Variants in MIB1 observed in about 807,000 individuals in gnomAD.
MIB1 encodes MIB E3 ubiquitin protein ligase 1, also known as E3 ubiquitin-protein ligase MIB1.
MIB1 carries 278 observed loss-of-function variants against 124.5 expected under a neutral mutation model. The ratio of observed to expected loss-of-function variants is 2.23; its 90% CI spans 2.02 to 2.47. The LOEUF is 2.47. Among genes scored for constraint, MIB1 ranks in the 30% most tolerant of loss-of-function variants. The pLI is 0.00. For missense variants in MIB1, 957 were observed against 1,254.4 expected, an observed-to-expected ratio of 0.76 and a Z score of 3.58; for synonymous variants, 446 against 429.4, an observed-to-expected ratio of 1.04 and a Z score of -0.48.
intron 6 of MIB1, among the ~76,000 whole-genome samples, chr18:21,791,130 C>T (rs1019826744): frequency 2.7e-5 from 4 of 150,396 alleles, no homozygotes; most frequent in Non-Finnish European, 5.9e-5. Context: ...TGCAGTGAGC[C>T]GAGATCATGC....
chr18:21,719,685 C>T (rs954942799), intron 1 of MIB1, among the ~76,000 whole-genome samples: 11 of 151,330 alleles, frequency 7.3e-5, no homozygotes, highest in African/African-American at 2.4e-4. Context: ...TCTGGAACTC[C>T]TGACCTCATG....
chr18:21,859,392 C>CA (rs55876332), intron 20 of MIB1, among the ~76,000 whole-genome samples: 68,266 of 121,828 alleles, frequency 0.56, 19,405 homozygotes, highest in Non-Finnish European at 0.67. Context: ...GACCCCATCT[C>CA]AAAAAAAAAA....
intron 1 of MIB1, among the ~76,000 whole-genome samples, chr18:21,745,478 C>T (rs1180009390): frequency 3.3e-5 from 5 of 152,010 alleles, no homozygotes; most frequent in East Asian, 1.9e-4. Flanking sequence ...AATTGAGACT[C>T]ATTGGTTTAG....
chr18:21,763,591 T>G (rs1004654501), intron 1 of MIB1, among the ~76,000 whole-genome samples: 3 of 152,188 alleles, frequency 2.0e-5, no homozygotes, highest in Non-Finnish European at 4.4e-5. Context: ...TGTTGGTGAC[T>G]CCCTTCTTGT....
Position 21,853,139 on chromosome 18 carries a change from G to T in MIB1, c.2587-1G>T. ...CTGTGCTGTAACCTCTTTTTCTATA[G>T]ATTGAAGAATGTGTGGTATGCTCTG... On this transcript the variant is annotated splice_acceptor_variant, in intron 17 of 20. Coordinates refer to ENST00000261537, the MANE Select transcript of MIB1 (RefSeq NM_020774.4). LOFTEE classifies it high-confidence loss of function. 6.2e-7 allele frequency: 1 copy of T among 1,608,636 alleles called. No individual in the cohort carries two copies. Among genetic ancestry groups the T allele is most frequent in the Non-Finnish European group, 8.5e-7 (1 of 1,175,364 alleles).
intron 1 of MIB1, among the ~76,000 whole-genome samples, chr18:21,744,441 TTAACAC>T (rs1308361456): frequency 6.6e-6 from 1 of 152,154 alleles, no homozygotes; most frequent in Non-Finnish European, 1.5e-5. Context: ...AACCAGAAAA[TTAACAC>T]TAATACGGTA....
intron 12 of MIB1, among the ~76,000 whole-genome samples, chr18:21,823,839 A>C (rs1470630750): frequency 6.6e-6 from 1 of 152,210 alleles, no homozygotes; most frequent in African/African-American, 2.4e-5. Flanking sequence ...GTTTTCATCT[A>C]GAGTTTAGCC....
chr18:21,794,774 G>T (rs1381266505), intron 7 of MIB1, among the ~76,000 whole-genome samples: 1 of 152,116 alleles, frequency 6.6e-6, no homozygotes, highest in African/African-American at 2.4e-5. Flanking sequence ...TCATCTCAGT[G>T]TTTTATGCCA....
chr18:21,753,555 T>C (rs2040999026), intron 1 of MIB1, among the ~76,000 whole-genome samples: 2 of 152,160 alleles, frequency 1.3e-5, no homozygotes, highest in Non-Finnish European at 2.9e-5. Flanking sequence ...TTCAGTTTAA[T>C]AGTAAGTCAA....
chr18:21,742,564 G>C (rs1430798966), intron 1 of MIB1, among the ~76,000 whole-genome samples: 1 of 151,866 alleles, frequency 6.6e-6, no homozygotes, highest in East Asian at 2.0e-4. Context: ...CAGTGAGTCA[G>C]GGTCCTTGAT....
At chr18:21,745,065 T>C (rs1476610523) in intron 1 of MIB1, among the ~76,000 whole-genome samples, 1 of 152,034 alleles carries the variant, frequency 6.6e-6, no homozygotes, top group Non-Finnish European at 1.5e-5. Flanking sequence ...TTGAGATAAA[T>C]AAAATTTAAA....
At chr18:21,857,053 A>T (rs967358801) in intron 18 of MIB1, 77 bp from the exon 19 acceptor site, 1 of 940,736 alleles carries the variant, frequency 1.1e-6, no homozygotes, top group African/African-American at 1.6e-5. Flanking sequence ...AATTTAAGTC[A>T]TAAAAATTAG....
upstream of MIB1, among the ~76,000 whole-genome samples, chr18:21,739,468 C>A (rs187978913): frequency 4.6e-5 from 7 of 152,254 alleles, no homozygotes; most frequent in East Asian, 5.8e-4. Flanking sequence ...CATCCTGATA[C>A]CAAAACCTGG....
rs111748928 is a variant in MIB1, at chr18:21,791,518, A to G, written c.1053A>G (p.Leu351=). The change falls in exon 7 of 21, where the codon CTA becomes CTG. Residue 351 remains leucine (L), a synonymous_variant. Coordinates refer to ENST00000261537, the MANE Select transcript of MIB1 (RefSeq NM_020774.4). ...ATGACCTGGAACGAATTAAACTTCTACAAAGAGGACATGGAGAATGGGCTG... is the reference window on the plus strand; with the variant it reads ...ATGACCTGGAACGAATTAAACTTCTGCAAAGAGGACATGGAGAATGGGCTG... The part of the protein sequence containing the change: ...VCYDLERIKL[L]QRGHGEWAEA... The G allele has an allele frequency of 6.2e-7, 1 of 1,614,046 alleles. No individual in the cohort carries two copies. Among genetic ancestry groups the G allele is most frequent in the Non-Finnish European group, 8.5e-7 (1 of 1,179,926 alleles).
chr18:21,814,407 C>T (rs1299965581), intron 10 of MIB1, among the ~76,000 whole-genome samples: 5 of 150,076 alleles, frequency 3.3e-5, no homozygotes, highest in Non-Finnish European at 1.5e-5. Context: ...CACAACTCAT[C>T]TTAGTTTACT....
intron 1 of MIB1, among the ~76,000 whole-genome samples, chr18:21,735,220 G>A (rs973008470): frequency 1.3e-5 from 2 of 152,180 alleles, no homozygotes; most frequent in African/African-American, 4.8e-5. Flanking sequence ...TGGACAGTGG[G>A]TGCAGCCCAC....
intron 13 of MIB1, among the ~76,000 whole-genome samples, chr18:21,839,769 C>T (rs2042065483): frequency 6.6e-6 from 1 of 152,132 alleles, no homozygotes; most frequent in African/African-American, 2.4e-5. Context: ...CCCAAAGTGC[C>T]ACCATGCCTT....
Position 21,741,470 on chromosome 18 carries a change from C to G in MIB1, c.-114C>G, listed in dbSNP as rs944842268. 5.2e-6 allele frequency: 3 copies of G among 573,968 alleles called. No homozygotes were observed. Among genetic ancestry groups the G allele is most frequent in the Non-Finnish European group, 2.4e-6 (1 of 408,280 alleles). 35.6% of individuals were successfully genotyped at this position (573,968 alleles called of 1,614,324 possible). ...TTATTCTCACGTCCCCCGGGGCTCG[C>G]TGCCGCCCCCGCCGACGCCTAGAGT... is the stretch of plus-strand genomic sequence containing the variant. On this transcript the variant is annotated 5_prime_UTR_variant, in exon 1 of 21. Coordinates refer to ENST00000261537, the MANE Select transcript of MIB1 (RefSeq NM_020774.4). The surrounding 1 kb of genome is among the most constrained non-coding windows in gnomAD (Gnocchi z 5.4).
At chr18:21,857,845 A>G (rs1344473469) in intron 19 of MIB1, among the ~76,000 whole-genome samples, 3 of 152,244 alleles carry the variant, frequency 2.0e-5, no homozygotes, top group South Asian at 2.1e-4. Flanking sequence ...TTCTCTGAAC[A>G]TGTTTTATGA....
Sources: allele counts gnomAD v4.1 joint callset (sites outside exome capture counted in the v4.1 genomes callset), GRCh38; gene constraint gnomAD v4.1.1; non-coding constraint Gnocchi (gnomAD v3.1); transcripts MANE v1.5; gene names NCBI Gene and HGNC (gene_info 2026-07-23, HGNC 2026-07-21).